MACROD2: variants seen among roughly 807,000 people sequenced by gnomAD.
MACROD2 encodes mono-ADP ribosylhydrolase 2.
In MACROD2, 36 loss-of-function variants were observed where a neutral mutation model predicts 70.4. The observed-to-expected ratio is 0.51, with a 90% confidence interval of 0.39 to 0.68. MACROD2 has a LOEUF of 0.68. Among genes scored for constraint, MACROD2 ranks in the 30% least tolerant of loss-of-function variants. MACROD2 has a pLI of 0.00. For missense variants in MACROD2, 496 were observed against 538.4 expected (o/e 0.92, Z 0.78); for synonymous variants, 172 against 178.8 (o/e 0.96, Z 0.30).
chr20:14,664,441 A>G (rs2123543632), intron 4 of MACROD2, among the ~76,000 whole-genome samples: 1 of 152,276 alleles, frequency 6.6e-6, no homozygotes, highest in East Asian at 1.9e-4. Context: ...CATCTTTGTA[A>G]TAATAACCAT....
intron 8 of MACROD2, among the ~76,000 whole-genome samples, chr20:15,814,589 A>G (rs1288547986): frequency 6.6e-6 from 1 of 152,194 alleles, no homozygotes; most frequent in Non-Finnish European, 1.5e-5. Context: ...ATTTGAACTT[A>G]TATCCTAGTC....
At chr20:14,049,595 A>G (rs968850615) in intron 2 of MACROD2, among the ~76,000 whole-genome samples, 43 of 149,022 alleles carry the variant, frequency 2.9e-4, no homozygotes, top group South Asian at 1.3e-3. Flanking sequence ...AAAAAAAAAA[A>G]TACAAAAATT....
chr20:15,696,678 G>GTTTTTTTTTTTTTTTTTT (rs374403186), intron 8 of MACROD2, among the ~76,000 whole-genome samples: 1 of 88,748 alleles, frequency 1.1e-5, no homozygotes, highest in East Asian at 3.6e-4. Flanking sequence ...TAGTCCTGGA[G>GTTTTTTTTTTTTTTTTTT]TTTTTTTTTT....
chr20:15,100,568 T>C (rs2075864631), intron 5 of MACROD2, among the ~76,000 whole-genome samples: 1 of 152,174 alleles, frequency 6.6e-6, no homozygotes, highest in Non-Finnish European at 1.5e-5. Flanking sequence ...CAGAAAGTTA[T>C]CTCTGTAGCT....
In MACROD2 at chr20:15,522,656, T is replaced by G. The variant is rs547009968; in HGVS notation, c.645+22809T>G. ...CTTCTCTTGCCTTATTTAATTTGAC[T>G]GCCAGCCCAGCACCGTAAGTATATA... On this transcript the variant is annotated intron_variant, in intron 8 of 17. Transcript: ENST00000684519. Among the ~76,000 whole-genome samples the G allele has an allele frequency of 2.6e-5, 4 of 152,316 alleles. No individual in the cohort carries two copies. The South Asian group carries it at 8.3e-4, about 32-fold the overall frequency.
chr20:14,097,685 A>T (rs1231887524), intron 3 of MACROD2, among the ~76,000 whole-genome samples: 1 of 152,150 alleles, frequency 6.6e-6, no homozygotes, highest in African/African-American at 2.4e-5. Flanking sequence ...CAGGTTGAAT[A>T]TTTCTTATCC....
chr20:14,505,720 T>A (rs747143011), intron 4 of MACROD2, among the ~76,000 whole-genome samples: 1 of 152,188 alleles, frequency 6.6e-6, no homozygotes, highest in Non-Finnish European at 1.5e-5. Flanking sequence ...AAGTTCCGTT[T>A]TAATGCTGAC....
intron 5 of MACROD2, among the ~76,000 whole-genome samples, chr20:14,745,993 C>T (rs900065266): frequency 1.3e-5 from 2 of 152,080 alleles, no homozygotes; most frequent in Admixed American, 6.5e-5. Flanking sequence ...ACAACTTGGC[C>T]AGATAACCTC....
intron 3 of MACROD2, among the ~76,000 whole-genome samples, chr20:14,182,717 A>C (rs1012663493): frequency 6.6e-6 from 1 of 152,104 alleles, no homozygotes; most frequent in Non-Finnish European, 1.5e-5. Context: ...CTTAAGTGTG[A>C]GATGAAAAAG....
intron 4 of MACROD2, among the ~76,000 whole-genome samples, chr20:14,660,685 T>C (rs558997748): frequency 3.7e-4 from 57 of 152,218 alleles, no homozygotes; most frequent in African/African-American, 1.2e-3. Context: ...TCAACCCTTG[T>C]CACCAGCCCT....
At chr20:15,729,366 T>C (rs2146947615) in intron 8 of MACROD2, among the ~76,000 whole-genome samples, 1 of 152,326 alleles carries the variant, frequency 6.6e-6, no homozygotes, top group Middle Eastern at 3.4e-3. Context: ...ATTCTGTTCT[T>C]TTGGGGTGGA....
intron 12 of MACROD2, among the ~76,000 whole-genome samples, chr20:15,950,717 T>C (rs1194688982): frequency 6.6e-6 from 1 of 152,158 alleles, no homozygotes; most frequent in Non-Finnish European, 1.5e-5. Flanking sequence ...TTTTATAGCA[T>C]CTTTGATGAT....
At chr20:16,045,050 G>A (rs1473930890) in intron 17 of MACROD2, among the ~76,000 whole-genome samples, 2 of 152,074 alleles carry the variant, frequency 1.3e-5, no homozygotes, top group Admixed American at 6.6e-5. Flanking sequence ...TCTTTGCCCT[G>A]GAGTTTGTAT....
At chr20:14,529,364 T>G (rs913209862) in intron 4 of MACROD2, among the ~76,000 whole-genome samples, 1 of 152,200 alleles carries the variant, frequency 6.6e-6, no homozygotes, top group Non-Finnish European at 1.5e-5. Context: ...CTGCCACACT[T>G]AGTGTATTGG....
At chr20:15,308,765 C>T (rs1383110934) in intron 6 of MACROD2, among the ~76,000 whole-genome samples, 1 of 152,138 alleles carries the variant, frequency 6.6e-6, no homozygotes. Context: ...TAGGGATTAA[C>T]TTTCCACAGC....
At chr20:14,042,394 A>G (rs1480126406) in intron 2 of MACROD2, among the ~76,000 whole-genome samples, 1 of 152,176 alleles carries the variant, frequency 6.6e-6, no homozygotes, top group Non-Finnish European at 1.5e-5. Flanking sequence ...GTTCATACTC[A>G]CCAATTAACA....
At chr20:14,367,087 A>T (rs1419083728) in intron 3 of MACROD2, among the ~76,000 whole-genome samples, 1 of 151,936 alleles carries the variant, frequency 6.6e-6, no homozygotes, top group Non-Finnish European at 1.5e-5. Flanking sequence ...TGTGGTTTGT[A>T]TGGGGATAAC....
At chr20:14,042,011 A>G (rs1452609881) in intron 2 of MACROD2, among the ~76,000 whole-genome samples, 2 of 152,198 alleles carry the variant, frequency 1.3e-5, no homozygotes, top group Admixed American at 6.5e-5. Flanking sequence ...TATTAGAGGA[A>G]AAATTAACAG....
At chr20:14,447,719 G>A (rs940956336) in intron 3 of MACROD2, among the ~76,000 whole-genome samples, 7 of 151,890 alleles carry the variant, frequency 4.6e-5, no homozygotes, top group Admixed American at 1.3e-4. Context: ...TACTCCAGAT[G>A]GGCCAAAGGT....
Sources: allele counts gnomAD v4.1 joint callset (sites outside exome capture counted in the v4.1 genomes callset), GRCh38; gene constraint gnomAD v4.1.1; transcripts MANE v1.5; gene names NCBI Gene and HGNC (gene_info 2026-07-23, HGNC 2026-07-21).